Variants in AURKA observed in about 807,000 individuals in gnomAD.
AURKA encodes aurora 2.
A neutral mutation model predicts 40.9 loss-of-function variants in AURKA; 12 were observed. The observed-to-expected ratio is 0.29, with a 90% confidence interval of 0.19 to 0.48. The LOEUF is 0.48. Among genes scored for constraint, AURKA ranks in the 20% least tolerant of loss-of-function variants. AURKA has a pLI of 0.99. For missense variants in AURKA, 322 were observed against 462.1 expected, an observed-to-expected ratio of 0.70 and a Z score of 2.78; for synonymous variants, 170 against 164.3, an observed-to-expected ratio of 1.03 and a Z score of -0.26.
In AURKA at chr20:56,373,266, T is replaced by C; in HGVS notation, c.854+142A>G. The C allele has an allele frequency of 3.6e-6, 4 of 1,118,876 alleles. No individual in the cohort carries two copies. The Admixed American group carries it at 5.8e-5, about 16-fold the overall frequency. 69.3% of individuals were successfully genotyped at this position (1,118,876 alleles called of 1,614,324 possible). On this transcript the variant is annotated intron_variant, in intron 7 of 8. Transcript: ENST00000395915. This position sits in a 1 kb window ranked among gnomAD's most constrained non-coding sequence, Gnocchi z 5.0. ...GCAAACCCTAGTTTATTATTAAGCC[T>C]AAATTACTCCAAAGTACTTCTGGGT...
At chr20:56,388,247 C>G in intron 1 of AURKA, 45 bp from the exon 2 acceptor site, 1 of 1,120,112 alleles carries the variant, frequency 8.9e-7, no homozygotes. Flanking sequence ...AAGCCACCTG[C>G]TTAAAGTGCT....
rs200774436 is a variant in AURKA at position 56,370,478 on chromosome 20, G to A, written c.1029+7C>T. 59 of 1,614,170 alleles carry A rather than the reference G, an allele frequency of 3.7e-5. No homozygotes were observed. The Middle Eastern group carries it at 2.1e-3, about 59-fold the overall frequency. ...GATGTGCTGGGTCCTTTTCAGTTGC[G>A]TCTTACCCGTGATATTCTTTTGTAG... On this transcript the variant is annotated splice_region_variant and intron_variant, in intron 8 of 8. Coordinates refer to ENST00000395915, the MANE Select transcript of AURKA (RefSeq NM_198437.3).
intron 5 of AURKA, 44 bp downstream of exon 5, chr20:56,382,941 C>G (rs998475564): frequency 1.4e-5 from 23 of 1,601,506 alleles, no homozygotes; most frequent in Non-Finnish European, 2.0e-5. Context: ...GGGAGGGGTG[C>G]AGCATTGGTG....
At chr20:56,391,136 A>G (rs1987053858) in intron 1 of AURKA, among the ~76,000 whole-genome samples, 1 of 152,214 alleles carries the variant, frequency 6.6e-6, no homozygotes, top group African/African-American at 2.4e-5. Context: ...AAGTCCTACT[A>G]TTTTGAATAG....
chr20:56,387,354 A>G (rs1014173295), intron 2 of AURKA, among the ~76,000 whole-genome samples: 2 of 152,188 alleles, frequency 1.3e-5, no homozygotes, highest in African/African-American at 4.8e-5. Context: ...GGGTTTCACC[A>G]TCTTGGCCAG....
At position 56,373,636 on chromosome 20, in the gene AURKA, C is replaced by A; in HGVS notation, c.706-80G>T. The A allele has an allele frequency of 6.6e-7, 1 of 1,522,772 alleles. No homozygotes were observed. Among genetic ancestry groups the A allele is most frequent in the African/African-American group, 1.4e-5 (1 of 72,818 alleles). The allele number at this position is 1,522,772 out of a possible 1,614,324, so 94.3% of individuals were successfully genotyped here. ...TATTAGACATCTCTTCCGAAAGGAACACAACATAGATTTAACATGGTTTGC... is the reference window on the plus strand; with the variant it reads ...TATTAGACATCTCTTCCGAAAGGAAAACAACATAGATTTAACATGGTTTGC... On this transcript the variant is annotated intron_variant, in intron 6 of 8. Transcript: ENST00000395915. The surrounding 1 kb of genome is among the most constrained non-coding windows in gnomAD (Gnocchi z 5.0).
intron 5 of AURKA, among the ~76,000 whole-genome samples, chr20:56,382,382 G>A (rs967031656): frequency 6.6e-6 from 1 of 152,106 alleles, no homozygotes; most frequent in African/African-American, 2.4e-5. Context: ...GCCAGGCAGA[G>A]ACACACCAGG....
intron 6 of AURKA, among the ~76,000 whole-genome samples, chr20:56,379,580 A>T (rs1241772772): frequency 6.6e-6 from 1 of 152,222 alleles, no homozygotes; most frequent in African/African-American, 2.4e-5. Context: ...CAAGAAAAGG[A>T]AACAGGGCTC....
rs567892294 is a variant in AURKA, at chr20:56,391,644, G to A, written c.-6+524C>T. 5.3e-5 allele frequency among the ~76,000 whole-genome samples: 8 copies of A among 152,224 alleles called. No individual in the cohort carries two copies. In the South Asian group the frequency reaches 1.7e-3, roughly 32 times the overall value. Reference sequence around the variant, plus strand: ...GTACGGACCGGGAAGGCCTCTGCAAGGAGGTTCTCATTCATCAATTCACCC... The same window carrying A: ...GTACGGACCGGGAAGGCCTCTGCAAAGAGGTTCTCATTCATCAATTCACCC... On this transcript the variant is annotated intron_variant, in intron 1 of 8. Coordinates refer to ENST00000395915, the MANE Select transcript of AURKA (RefSeq NM_198437.3).
chr20:56,372,341 G>A (rs1282745403), intron 7 of AURKA, among the ~76,000 whole-genome samples: 2 of 152,190 alleles, frequency 1.3e-5, no homozygotes, highest in Non-Finnish European at 1.5e-5. Context: ...AAATGATGAT[G>A]ATTAACATCT....
chr20:56,370,404 G>A (rs1434186730), intron 8 of AURKA, 64 bp from the exon 9 acceptor site: 1 of 1,613,564 alleles, frequency 6.2e-7, no homozygotes, highest in Non-Finnish European at 8.5e-7. Flanking sequence ...TAGTATAGAT[G>A]TTCGGATCTT....
In AURKA at chr20:56,377,794, A is replaced by T. The variant is rs1182944273; in HGVS notation, c.705+3639T>A. On this transcript the variant is annotated intron_variant, in intron 6 of 8. Coordinates refer to ENST00000395915, the MANE Select transcript of AURKA (RefSeq NM_198437.3). The stretch of plus-strand genomic sequence containing the variant: ...GAGCGAGACTCCGTCTCAAAAAAAA[A>T]AAGAGACGTTCAACATCAAATGTCA... Among the ~76,000 whole-genome samples the T allele has an allele frequency of 3.3e-5, 5 of 152,228 alleles. No individual in the cohort carries two copies. In the East Asian group the frequency reaches 5.8e-4, roughly 18 times the overall value.
intron 2 of AURKA, 78 bp downstream of exon 2, chr20:56,388,078 G>A: frequency 1.2e-5 from 1 of 82,842 alleles, no homozygotes; most frequent in Non-Finnish European, 1.9e-5. Flanking sequence ...CCAAAGTAAA[G>A]GCGGAAAGAA....
At chr20:56,378,307 T>A (rs1741344682) in intron 6 of AURKA, among the ~76,000 whole-genome samples, 1 of 152,206 alleles carries the variant, frequency 6.6e-6, no homozygotes, top group Non-Finnish European at 1.5e-5. Flanking sequence ...ACCAACTTTA[T>A]CAATTAGAGT....
intron 6 of AURKA, among the ~76,000 whole-genome samples, chr20:56,376,852 G>A (rs1600685194): frequency 6.6e-6 from 1 of 152,186 alleles, no homozygotes; most frequent in East Asian, 1.9e-4. Context: ...GGCCGAGGTG[G>A]GCAAATCACC....
At chr20:56,382,366 G>C (rs1443375554) in intron 5 of AURKA, among the ~76,000 whole-genome samples, 1 of 152,152 alleles carries the variant, frequency 6.6e-6, no homozygotes, top group African/African-American at 2.4e-5. Context: ...GCCCCAGCCA[G>C]GTGTTGCCAG....
At chr20:56,372,533 TAAAAA>T (rs10716404) in intron 7 of AURKA, among the ~76,000 whole-genome samples, 3 of 121,662 alleles carry the variant, frequency 2.5e-5, no homozygotes, top group African/African-American at 8.9e-5. Flanking sequence ...ACAACCAGTT[TAAAAA>T]AAAAAAAAAA....
At chr20:56,383,924 A>G (rs1251211746) in intron 4 of AURKA, among the ~76,000 whole-genome samples, 1 of 152,206 alleles carries the variant, frequency 6.6e-6, no homozygotes, top group African/African-American at 2.4e-5. Context: ...AACATATTCT[A>G]TTTTTTAAAA....
At position 56,381,460 on chromosome 20, in the gene AURKA, T is replaced by G; in HGVS notation, c.678A>C (p.Ser226=). Reference sequence around the variant, plus strand: ...TAGCAGTTCTCTGCTCATCAAACTTTGAAAGTTTCTGAAGTTCTCTATAAA... The same window carrying G: ...TAGCAGTTCTCTGCTCATCAAACTTGGAAAGTTTCTGAAGTTCTCTATAAA... ...GTVYRELQKL[S]KFDEQRTATY... is the part of the protein sequence containing the mutation. The change falls in exon 6 of 9, where the codon TCA becomes TCC. Residue 226 remains serine, a synonymous_variant. Coordinates refer to ENST00000395915, the MANE Select transcript of AURKA (RefSeq NM_198437.3). 1 of 1,613,510 alleles carries G rather than the reference T, an allele frequency of 6.2e-7. No homozygotes were observed. The highest frequency in any genetic ancestry group is 8.5e-7 in the Non-Finnish European group (1 of 1,179,946).
Sources: gnomAD v4.1 joint callset for allele counts (sites outside exome capture counted in the v4.1 genomes callset) on GRCh38, gnomAD v4.1.1 for gene constraint, Gnocchi (gnomAD v3.1) non-coding constraint, MANE v1.5 for transcripts, NCBI Gene and HGNC (gene_info 2026-07-23, HGNC 2026-07-21) for gene names.